Variants in NCAPD2 observed in about 807,000 individuals in gnomAD.
NCAPD2 encodes the protein non-SMC condensin I complex subunit D2, also known as condensin complex subunit 1.
NCAPD2 carries 100 observed loss-of-function variants against 164.5 expected under a neutral mutation model. The ratio of observed to expected loss-of-function variants is 0.61; its 90% CI spans 0.52 to 0.72. NCAPD2 has a LOEUF of 0.72. Ranked by LOEUF, NCAPD2 falls within the 30% of genes least tolerant of loss-of-function variation. The pLI, the probability that NCAPD2 is intolerant of heterozygous loss-of-function variation, is 0.00. For missense variants in NCAPD2, 1,560 were observed against 1,749.2 expected (o/e 0.89, Z 1.93); for synonymous variants, 585 against 642.6 (o/e 0.91, Z 1.36).
chr12:6,510,945 C>A, intron 5 of NCAPD2, 135 bp downstream of exon 5: 1 of 1,301,240 alleles, frequency 7.7e-7, no homozygotes, highest in Non-Finnish European at 1.1e-6. Context: ...TCAAAAGTGT[C>A]ACACGTTTTC....
Position 6,516,870 on chromosome 12 carries a change from A to G in NCAPD2, c.1030A>G (p.Met344Val), listed in dbSNP as rs1466574928. Residue 344 changes from methionine (M) to valine (V), a missense_variant, in exon 10 of 32, where the codon ATG (methionine) becomes GTG (valine). Transcript: ENST00000315579. ...RNAVLAAMAE[M>V]VLQVLSGDQL... ...TGCTGTGCTGGCAGCCATGGCGGAG[A>G]TGGTGCTGCAGGTTCTCAGTGGCGA... 1.9e-6 allele frequency: 3 copies of G among 1,614,156 alleles called. No homozygotes were observed. The South Asian group carries it at 3.3e-5, about 18-fold the overall frequency.
In NCAPD2 at chr12:6,510,083, G is replaced by A. The variant is rs200920120; in HGVS notation, c.212G>A (p.Arg71Gln). ...CTTTCTTTCCCTCATAGTCACTTTC[G>A]AAGTATAGATCCTGGCCTCAAAGAA... ...DTIYSILHHFRSIDPGLKEDT... is the reference protein window; with the variant it reads ...DTIYSILHHFQSIDPGLKEDT... The change falls in exon 4 of 32, where the codon CGA becomes CAA. Residue 71 changes from arginine to glutamine, a missense_variant. Transcript: ENST00000315579. 69 of 1,612,918 alleles carry A rather than the reference G, an allele frequency of 4.3e-5. No individual in the cohort carries two copies. The highest frequency in any genetic ancestry group is 5.3e-5 in the Non-Finnish European group (63 of 1,179,012).
At chr12:6,502,847 T>TTG (rs371254452) in intron 2 of NCAPD2, among the ~76,000 whole-genome samples, 2,362 of 151,582 alleles carry the variant, frequency 0.016, 62 homozygotes, top group African/African-American at 0.055. Context: ...TTTGTTGTTG[T>TTG]TGTTGTTGTT....
chr12:6,508,313 G>A (rs1323367608), intron 2 of NCAPD2, among the ~76,000 whole-genome samples: 2 of 152,048 alleles, frequency 1.3e-5, no homozygotes, highest in Admixed American at 6.6e-5. Context: ...TCTGGCCTGG[G>A]CAACAAAGCA....
chr12:6,500,953 G>C (rs546881858), intron 2 of NCAPD2, among the ~76,000 whole-genome samples: 1 of 152,016 alleles, frequency 6.6e-6, no homozygotes, highest in Non-Finnish European at 1.5e-5. Context: ...GTGATAAAAC[G>C]ACTCAGGATA....
Position 6,528,607 on chromosome 12 carries a change from A to C in NCAPD2, c.3300-72A>C, listed in dbSNP as rs1473836089. On this transcript the variant is annotated intron_variant, in intron 25 of 31. Coordinates refer to ENST00000315579, the MANE Select transcript of NCAPD2 (RefSeq NM_014865.4). This position sits in a 1 kb window ranked among gnomAD's most constrained non-coding sequence, Gnocchi z 5.1. Reference sequence around the variant, plus strand: ...AGCATGGGATAATTGATTCCTGCTGAGGGCCTTTTCTACCAGTGTTAGGGT... The same window carrying C: ...AGCATGGGATAATTGATTCCTGCTGCGGGCCTTTTCTACCAGTGTTAGGGT... 1.3e-6 allele frequency: 2 copies of C among 1,494,320 alleles called. No individual in the cohort carries two copies. Among genetic ancestry groups the C allele is most frequent in the African/African-American group, 2.8e-5 (2 of 72,274 alleles). The allele number at this position is 1,494,320 out of a possible 1,614,324, so 92.6% of individuals were successfully genotyped here. A position where few individuals can be genotyped will look rare whatever the true frequency, so the allele number is the denominator to read the frequency against.
chr12:6,530,997 T>C lies in NCAPD2; in HGVS notation c.4041T>C (p.Arg1347=), dbSNP rs1195106081. The change falls in exon 31 of 32, where the codon CGT becomes CGC. Residue 1347 remains arginine (R), a synonymous_variant. Transcript: ENST00000315579. ...FVTPEPRRTT[R]RHPNTQQRAS... ...CACCAGAGCCCCGCCGTACTACCCGTCGGCATCCAAACACCCAGCAGCGAG... is the reference window on the plus strand; with the variant it reads ...CACCAGAGCCCCGCCGTACTACCCGCCGGCATCCAAACACCCAGCAGCGAG... The C allele has an allele frequency of 6.2e-7, 1 of 1,614,134 alleles. No individual in the cohort carries two copies. The highest frequency in any genetic ancestry group is 1.7e-5 in the Admixed American group (1 of 60,024).
chr12:6,518,329 T>C (rs1216375708), intron 13 of NCAPD2: 1 of 173,278 alleles, frequency 5.8e-6, no homozygotes, highest in African/African-American at 2.4e-5. Context: ...TGATTAGATC[T>C]TATGATCTCT....
chr12:6,517,835 AC>A lies in NCAPD2; in HGVS notation c.1468del (p.Leu490CysfsTer27). On this transcript the variant is annotated frameshift_variant, in exon 13 of 32. Coordinates refer to ENST00000315579, the MANE Select transcript of NCAPD2 (RefSeq NM_014865.4). LOFTEE classifies it high-confidence loss of function. ...WEAMLPELKS[T>X]LQQLLQLPQG... ...AGCCATGCTGCCAGAGTTGAAGTCT[AC>A]CCTGCAGCAGCTTCTACAGCTTCCC... The A allele has an allele frequency of 6.2e-7, 1 of 1,614,156 alleles. No homozygotes were observed. Among genetic ancestry groups the A allele is most frequent in the Non-Finnish European group, 8.5e-7 (1 of 1,180,028 alleles).
chr12:6,511,705 G>C (rs572932402), intron 6 of NCAPD2, among the ~76,000 whole-genome samples: 3 of 152,278 alleles, frequency 2.0e-5, no homozygotes, highest in Non-Finnish European at 4.4e-5. Context: ...CTCTAGGCCC[G>C]GTGCGGTGGC....
chr12:6,517,278 C>T, intron 10 of NCAPD2, 87 bp from the exon 11 acceptor site: 1 of 1,541,540 alleles, frequency 6.5e-7, no homozygotes, highest in East Asian at 2.2e-5. Flanking sequence ...GAGTGGGTAG[C>T]TCAGTTTAGA....
At chr12:6,526,422 A>G in intron 20 of NCAPD2, 26 bp from the exon 21 acceptor site, 2 of 1,614,140 alleles carry the variant, frequency 1.2e-6, no homozygotes, top group Non-Finnish European at 1.7e-6. Context: ...TGTTGCAGTA[A>G]ACAACTTCTC....
chr12:6,497,377 C>T (rs1359298457), intron 2 of NCAPD2, among the ~76,000 whole-genome samples: 1 of 150,908 alleles, frequency 6.6e-6, no homozygotes, highest in Non-Finnish European at 1.5e-5. Flanking sequence ...TGTTGGTTTG[C>T]TGCACCTATC....
In NCAPD2 at chr12:6,511,291, G is replaced by A. The variant is rs575422388; in HGVS notation, c.587+39G>A. The A allele has an allele frequency of 5.0e-6, 8 of 1,599,640 alleles. No homozygotes were observed. In the East Asian group the frequency reaches 1.8e-4, roughly 36 times the overall value. On this transcript the variant is annotated intron_variant, in intron 6 of 31. Coordinates refer to ENST00000315579, the MANE Select transcript of NCAPD2 (RefSeq NM_014865.4). ...ATGGCTACAGATAATACTGAGCTGT[G>A]AGAGTGAGGCTCTGTTGATAGATAT... is the stretch of plus-strand genomic sequence containing the variant.
At position 6,514,773 on chromosome 12, in the gene NCAPD2, A is replaced by G; in HGVS notation, c.840A>G (p.Arg280=). 6.2e-7 allele frequency: 1 copy of G among 1,614,186 alleles called. No individual in the cohort carries two copies. The highest frequency in any genetic ancestry group is 8.5e-7 in the Non-Finnish European group (1 of 1,180,018). The change falls in exon 9 of 32, where the codon AGA becomes AGG. Residue 280 remains arginine, a splice_region_variant and synonymous_variant. Transcript: ENST00000315579. ...GMKSIVGEIV[R]EIGQKCPQEL... ...TGGCTGTGTTTTCTTCCCTGTGTAG[A>G]GAGATTGGACAAAAGTGTCCCCAAG...
Position 6,528,584 on chromosome 12 carries a change from C to A in NCAPD2, c.3300-95C>A. 1 of 1,390,354 alleles carries A rather than the reference C, an allele frequency of 7.2e-7. No homozygotes were observed. The highest frequency in any genetic ancestry group is 1.3e-5 in the South Asian group (1 of 77,806). 86.1% of individuals were successfully genotyped at this position (1,390,354 alleles called of 1,614,324 possible). A position where few individuals can be genotyped will look rare whatever the true frequency, so the allele number is the denominator to read the frequency against. On this transcript the variant is annotated intron_variant, in intron 25 of 31. Transcript: ENST00000315579. The surrounding 1 kb of genome is among the most constrained non-coding windows in gnomAD (Gnocchi z 5.1). Reference sequence around the variant, plus strand: ...TCTGACTGCTTCTGGAGTGGCAGAGCATGGGATAATTGATTCCTGCTGAGG... The same window carrying A: ...TCTGACTGCTTCTGGAGTGGCAGAGAATGGGATAATTGATTCCTGCTGAGG...
Position 6,523,025 on chromosome 12 carries a change from T to C in NCAPD2, c.2129+23T>C, listed in dbSNP as rs199966412. 437 of 1,612,186 alleles carry C rather than the reference T, an allele frequency of 2.7e-4. 3 individuals are homozygous for C. The East Asian group carries it at 8.0e-3, about 29-fold the overall frequency. ...CAGGTATATGGGGTGCTTTTGCCTT[T>C]GCTGACTTTTCCAAGGTCAGCTTCT... On this transcript the variant is annotated intron_variant, in intron 16 of 31. Transcript: ENST00000315579.
chr12:6,511,823 A>G (rs1247492144), intron 6 of NCAPD2, among the ~76,000 whole-genome samples: 1 of 151,472 alleles, frequency 6.6e-6, no homozygotes, highest in Admixed American at 6.6e-5. Context: ...CTCTACTAAA[A>G]AAATATGAAA....
rs545620494 is a variant in NCAPD2, at chr12:6,528,526, T to C, written c.3300-153T>C. ...CTTCTGGTTAGAAGCTTCACCTCTT[T>C]CCCCCACTCCAGCTTTCAACTCTAG... On this transcript the variant is annotated intron_variant, in intron 25 of 31. Coordinates refer to ENST00000315579, the MANE Select transcript of NCAPD2 (RefSeq NM_014865.4). The surrounding 1 kb of genome is among the most constrained non-coding windows in gnomAD (Gnocchi z 5.1). 166 of 1,143,280 alleles carry C rather than the reference T, an allele frequency of 1.5e-4. No homozygotes were observed. The South Asian group carries it at 2.2e-3, about 15-fold the overall frequency. The allele number at this position is 1,143,280 out of a possible 1,614,324, so 70.8% of individuals were successfully genotyped here. A position where few individuals can be genotyped will look rare whatever the true frequency, so the allele number is the denominator to read the frequency against.
Sources: allele counts gnomAD v4.1 joint callset (sites outside exome capture counted in the v4.1 genomes callset), GRCh38; gene constraint gnomAD v4.1.1; non-coding constraint Gnocchi (gnomAD v3.1); transcripts MANE v1.5; gene names NCBI Gene and HGNC (gene_info 2026-07-23, HGNC 2026-07-21).